Variants in CDC42BPB observed in about 807,000 individuals in gnomAD.
CDC42BPB encodes CDC42 binding protein kinase beta.
Under a neutral mutation model 214.9 loss-of-function variants are expected in CDC42BPB, and 37 were observed. That is an observed-to-expected ratio of 0.17 (90% CI 0.13 to 0.23). CDC42BPB has a LOEUF of 0.23. Among genes scored for constraint, CDC42BPB ranks in the 10% least tolerant of loss-of-function variants. The pLI is 1.00. For synonymous variants in CDC42BPB, 931 were observed against 884.0 expected, an observed-to-expected ratio of 1.05 and a Z score of -0.94; for missense variants, 1,694 against 2,227.0, an observed-to-expected ratio of 0.76 and a Z score of 4.82.
intron 7 of CDC42BPB, among the ~76,000 whole-genome samples, chr14:102,981,755 T>G (rs1894014415): frequency 6.6e-6 from 1 of 152,004 alleles, no homozygotes; most frequent in East Asian, 1.9e-4. Context: ...CCAGCCTGGG[T>G]GACAAGAGCG....
intron 11 of CDC42BPB, among the ~76,000 whole-genome samples, chr14:102,975,076 T>C (rs887589464): frequency 2.0e-5 from 3 of 152,212 alleles, no homozygotes; most frequent in African/African-American, 7.2e-5. Flanking sequence ...GCAGAGTCAC[T>C]GATTAAGCTT....
chr14:102,986,323 G>A (rs528349629), intron 6 of CDC42BPB, 164 bp downstream of exon 6: 62 of 558,702 alleles, frequency 1.1e-4, no homozygotes, highest in Non-Finnish European at 1.9e-4. Context: ...TTTTTATTTG[G>A]GAAACAAAAC....
chr14:102,939,583 C>G (rs1192599485), intron 34 of CDC42BPB, 27 bp downstream of exon 34: 1 of 1,543,336 alleles, frequency 6.5e-7, no homozygotes, highest in African/African-American at 1.4e-5. Flanking sequence ...GGGTGCCCTG[C>G]CCGCCCTATC....
chr14:102,997,617 A>G (rs1209662692), intron 5 of CDC42BPB, among the ~76,000 whole-genome samples: 1 of 152,218 alleles, frequency 6.6e-6, no homozygotes, highest in Admixed American at 6.5e-5. Context: ...TACCCGATGC[A>G]TGTCCGGTAC....
At chr14:102,935,427 A>G (rs371701724) in intron 36 of CDC42BPB, among the ~76,000 whole-genome samples, 3 of 152,350 alleles carry the variant, frequency 2.0e-5, no homozygotes, top group African/African-American at 7.2e-5. Flanking sequence ...AAATTACAAA[A>G]CATTGCTGAA....
At position 102,952,449 on chromosome 14, in the gene CDC42BPB, G is replaced by A. The variant is rs770390799; in HGVS notation, c.3172+49C>T. The A allele has an allele frequency of 2.3e-5, 28 of 1,197,870 alleles. No individual in the cohort carries two copies. The South Asian group carries it at 3.4e-4, about 15-fold the overall frequency. 74.2% of individuals were successfully genotyped at this position (1,197,870 alleles called of 1,614,324 possible). On this transcript the variant is annotated intron_variant, in intron 24 of 36. Transcript: ENST00000361246. ...GAGCCGGCTGGTGCCCTTAGCTGCAGGGGTGTGGGGCTGTGCACGCTGACC... is the reference window on the plus strand; with the variant it reads ...GAGCCGGCTGGTGCCCTTAGCTGCAAGGGTGTGGGGCTGTGCACGCTGACC...
At chr14:102,981,433 T>G (rs903398395) in intron 7 of CDC42BPB, among the ~76,000 whole-genome samples, 10 of 152,300 alleles carry the variant, frequency 6.6e-5, no homozygotes, top group African/African-American at 2.4e-4. Context: ...TGCACTGTAT[T>G]TTGACCAAGA....
chr14:103,019,922 A>G (rs1003689939), intron 1 of CDC42BPB, among the ~76,000 whole-genome samples: 1 of 152,244 alleles, frequency 6.6e-6, no homozygotes. Context: ...GCCAAGAAGA[A>G]CTGCAGGCGG....
Position 102,963,060 on chromosome 14 carries a change from C to T in CDC42BPB, c.2821+1G>A. ...TGCAGAATCGCACAACATTAATTTA[C>T]CAGTATCTGCTCTGAATTTTTCTTC... On this transcript the variant is annotated splice_donor_variant, in intron 20 of 36. Coordinates refer to ENST00000361246, the MANE Select transcript of CDC42BPB (RefSeq NM_006035.4). LOFTEE classifies it high-confidence loss of function. 8.0e-7 allele frequency: 1 copy of T among 1,245,896 alleles called. No homozygotes were observed. The allele number at this position is 1,245,896 out of a possible 1,614,324, so 77.2% of individuals were successfully genotyped here. A position where few individuals can be genotyped will look rare whatever the true frequency, so the allele number is the denominator to read the frequency against.
intron 4 of CDC42BPB, among the ~76,000 whole-genome samples, chr14:103,002,197 G>A (rs1221616145): frequency 2.0e-5 from 3 of 152,156 alleles, no homozygotes; most frequent in Admixed American, 6.5e-5. Flanking sequence ...ATAGGAAGAG[G>A]AACTGGCCTA....
intron 1 of CDC42BPB, among the ~76,000 whole-genome samples, chr14:103,047,660 TG>T (rs1888368704): frequency 6.6e-6 from 1 of 152,090 alleles, no homozygotes; most frequent in Non-Finnish European, 1.5e-5. Context: ...TCCTGACACT[TG>T]GGGAGGCCGA....
Position 102,976,312 on chromosome 14 carries a change from C to G in CDC42BPB, c.1221-263G>C, listed in dbSNP as rs561600783. 6 of 609,964 alleles carry G rather than the reference C, an allele frequency of 9.8e-6. No homozygotes were observed. In the African/African-American group the frequency reaches 1.2e-4, roughly 12 times the overall value. The allele number at this position is 609,964 out of a possible 1,614,324, so 37.8% of individuals were successfully genotyped here. A position where few individuals can be genotyped will look rare whatever the true frequency, so the allele number is the denominator to read the frequency against. On this transcript the variant is annotated intron_variant, in intron 9 of 36. Transcript: ENST00000361246. ...TGGCATTTCTAAATCATCCCCCACACTTAACTATAAATGCAAAACCAGAAG... is the reference window on the plus strand; with the variant it reads ...TGGCATTTCTAAATCATCCCCCACAGTTAACTATAAATGCAAAACCAGAAG...
rs547843813 is a variant in CDC42BPB at position 103,008,915 on chromosome 14, G to A, written c.268-360C>T. On this transcript the variant is annotated intron_variant, in intron 2 of 36. Transcript: ENST00000361246. ...CTGTGGGGCACAGTCAGCACTCAGC[G>A]CGCGGCCACCAGCCACATTCTTTAA... 5.3e-5 allele frequency among the ~76,000 whole-genome samples: 8 copies of A among 152,210 alleles called. No homozygotes were observed. The South Asian group carries it at 6.2e-4, about 12-fold the overall frequency.
At chr14:102,973,992 C>T in intron 12 of CDC42BPB, 24 bp downstream of exon 12, 1 of 1,585,380 alleles carries the variant, frequency 6.3e-7, no homozygotes, top group South Asian at 1.1e-5. Context: ...GTAAGCCTTT[C>T]TCACCCCAAA....
intron 1 of CDC42BPB, among the ~76,000 whole-genome samples, chr14:103,012,893 G>A (rs1886237395): frequency 1.3e-5 from 2 of 152,236 alleles, no homozygotes; most frequent in Admixed American, 6.5e-5. Context: ...CTGCACAGGT[G>A]TGTAACCCAG....
At chr14:103,054,424 T>C (rs535193216) in intron 1 of CDC42BPB, among the ~76,000 whole-genome samples, 42 of 152,348 alleles carry the variant, frequency 2.8e-4, no homozygotes, top group Admixed American at 2.6e-3. Context: ...AGTCCACTGA[T>C]GGACAGCCTA....
chr14:102,943,893 C>T lies in CDC42BPB; in HGVS notation c.4406G>A (p.Cys1469Tyr), dbSNP rs1408771029. 30 of 1,605,326 alleles carry T rather than the reference C, an allele frequency of 1.9e-5. No individual in the cohort carries two copies. Among genetic ancestry groups the T allele is most frequent in the Non-Finnish European group, 2.5e-5 (29 of 1,176,636 alleles). ...TGCAACAGAAAACATATACATACTA[C>T]AGGCGACAGGAGCCGCAGGCCACAT... ...ELMWPAAPVA[C>Y]SCSPTHVTVY... The change falls in exon 30 of 37, where the codon TGT becomes TAT. Residue 1469 changes from cysteine (C) to tyrosine (Y), a missense_variant and splice_region_variant. Around this residue, in one of 7 missense-constraint regions of CDC42BPB, gnomAD observed 567 missense variants for 790.3 expected, o/e 0.72. Coordinates refer to ENST00000361246, the MANE Select transcript of CDC42BPB (RefSeq NM_006035.4). This position sits in a 1 kb window ranked among gnomAD's most constrained non-coding sequence, Gnocchi z 4.6.
At chr14:102,969,015 C>T (rs1378286383) in intron 14 of CDC42BPB, 2 of 506,440 alleles carry the variant, frequency 3.9e-6, no homozygotes, top group African/African-American at 2.1e-5. Context: ...GTGCTGGGCC[C>T]CCTCCTTGTG....
chr14:102,966,020 C>CT (rs1893185857), intron 18 of CDC42BPB, among the ~76,000 whole-genome samples: 1 of 152,146 alleles, frequency 6.6e-6, no homozygotes, highest in African/African-American at 2.4e-5. Flanking sequence ...AGCAAGCTCT[C>CT]TGAGGGCAGA....
Sources: allele counts gnomAD v4.1 joint callset (sites outside exome capture counted in the v4.1 genomes callset), GRCh38; gene constraint gnomAD v4.1.1; regional missense constraint gnomAD v4.1.1; non-coding constraint Gnocchi (gnomAD v3.1); transcripts MANE v1.5; gene names NCBI Gene and HGNC (gene_info 2026-07-23, HGNC 2026-07-21).